The following RARB variants were observed in gnomAD, a reference collection of about 807,000 sequenced individuals.
RARB encodes the protein retinoic acid receptor beta, also known as HBV-activated protein.
RARB carries 17 observed loss-of-function variants against 51.9 expected under a neutral mutation model. The ratio of observed to expected loss-of-function variants is 0.33; its 90% confidence interval spans 0.22 to 0.49. RARB has a LOEUF of 0.49. Ranked by LOEUF, RARB falls within the 20% of genes least tolerant of loss-of-function variation. The pLI is 0.99. For missense variants in RARB, 369 were observed against 550.8 expected (o/e 0.67, Z 3.30); for synonymous variants, 215 against 195.4 (o/e 1.10, Z -0.84).
chr3:25,372,112 A>T (rs553999399), intron 5 of RARB, among the ~76,000 whole-genome samples: 27 of 152,246 alleles, frequency 1.8e-4, no homozygotes, highest in Non-Finnish European at 1.9e-4. Flanking sequence ...GTAGGCCAGG[A>T]TAAAAAGTTT....
At chr3:24,914,263 T>C (rs1695060911) in intron 2 of RARB, among the ~76,000 whole-genome samples, 1 of 152,206 alleles carries the variant, frequency 6.6e-6, no homozygotes, top group African/African-American at 2.4e-5. Context: ...AGTAACATTT[T>C]CCATGTCGTA....
chr3:24,955,292 C>G (rs922123547), intron 2 of RARB, among the ~76,000 whole-genome samples: 25 of 152,206 alleles, frequency 1.6e-4, no homozygotes, highest in African/African-American at 6.0e-4. Flanking sequence ...GTCTCCAACA[C>G]TCAGTTGTTT....
At chr3:25,031,387 G>A (rs1486350928) in intron 2 of RARB, among the ~76,000 whole-genome samples, 2 of 152,122 alleles carry the variant, frequency 1.3e-5, no homozygotes, top group African/African-American at 2.4e-5. Context: ...CCCTCTTCCT[G>A]GCCGGTAAGC....
intron 5 of RARB, among the ~76,000 whole-genome samples, chr3:25,220,615 T>A (rs1202283548): frequency 6.6e-6 from 1 of 152,198 alleles, no homozygotes; most frequent in African/African-American, 2.4e-5. Context: ...TATAAATGTT[T>A]GGTAGTTCCT....
chr3:25,517,030 G>A (rs969075178), intron 3 of RARB, among the ~76,000 whole-genome samples: 2 of 152,190 alleles, frequency 1.3e-5, no homozygotes, highest in Admixed American at 6.5e-5. Flanking sequence ...CCAGTTTGCA[G>A]AGTACGAGCA....
rs1701909051 is a variant in RARB at position 25,597,604 on chromosome 3, A to C, written c.*988A>C. On this transcript the variant is annotated 3_prime_UTR_variant, in exon 8 of 8. Transcript: ENST00000330688. ...GCCTGATATTGGGATTTTTTTTTCC[A>C]GCCTTCTTGATGCCAAGGGGCTAAT... The C allele has an allele frequency of 6.6e-6, 1 of 152,290 alleles. No individual in the cohort carries two copies. 9.4% of individuals were successfully genotyped at this position (152,290 alleles called of 1,614,324 possible). A position where few individuals can be genotyped will look rare whatever the true frequency, so the allele number is the denominator to read the frequency against.
chr3:24,878,359 G>A (rs1703089337), intron 2 of RARB, among the ~76,000 whole-genome samples: 2 of 148,540 alleles, frequency 1.3e-5, no homozygotes. Context: ...TTTCCAAGTT[G>A]TGATTTTTTT....
intron 2 of RARB, among the ~76,000 whole-genome samples, chr3:24,978,127 T>C (rs533524679): frequency 6.6e-6 from 1 of 152,350 alleles, no homozygotes; most frequent in South Asian, 2.1e-4. Flanking sequence ...GATAAACTTT[T>C]TGATGTGCTG....
rs71622787 is a variant in RARB at position 24,912,972 on chromosome 3, A to AT, written c.-380+54222dup. ...GTGGCAATACGCACACAAGGTACTG[A>AT]TTCTTTTTTTTTTTTTTTTTTTTTT... On this transcript the variant is annotated intron_variant, in intron 2 of 11. Coordinates refer to the RARB transcript ENST00000383772. Among the ~76,000 whole-genome samples, 36 of 57,614 alleles carry AT rather than the reference A, an allele frequency of 6.2e-4. 1 individual carries two copies. Among genetic ancestry groups the AT allele is most frequent in the African/African-American group, 6.0e-4 (11 of 18,384 alleles). The allele number at this position is 57,614 out of a possible 152,430, so 37.8% of individuals were successfully genotyped here. A position where few individuals can be genotyped will look rare whatever the true frequency, so the allele number is the denominator to read the frequency against.
chr3:24,935,553 T>A (rs1055542336), intron 2 of RARB, among the ~76,000 whole-genome samples: 2 of 152,192 alleles, frequency 1.3e-5, no homozygotes, highest in African/African-American at 4.8e-5. Flanking sequence ...GTTGTGTTAA[T>A]GTTCTGAAAT....
At chr3:24,949,318 G>A (rs963373069) in intron 2 of RARB, among the ~76,000 whole-genome samples, 2 of 152,130 alleles carry the variant, frequency 1.3e-5, no homozygotes, top group African/African-American at 4.8e-5. Flanking sequence ...ACATCCCAAG[G>A]ACCTCCTCTG....
chr3:25,320,644 G>C (rs999730690), intron 5 of RARB, among the ~76,000 whole-genome samples: 1 of 152,146 alleles, frequency 6.6e-6, no homozygotes, highest in African/African-American at 2.4e-5. Context: ...TAGTACCAAA[G>C]TGATATTTAG....
intron 5 of RARB, among the ~76,000 whole-genome samples, chr3:25,400,768 CA>C (rs1186006928): frequency 3.3e-5 from 5 of 152,056 alleles, no homozygotes; most frequent in Non-Finnish European, 5.9e-5. Flanking sequence ...TTTGCCTTCG[CA>C]AAAACCACAG....
chr3:25,566,438 G>A (rs1700499948), intron 3 of RARB, among the ~76,000 whole-genome samples: 1 of 152,202 alleles, frequency 6.6e-6, no homozygotes, highest in Non-Finnish European at 1.5e-5. Context: ...TCCCCTTCGA[G>A]TGAGCTGCAA....
At chr3:25,080,412 T>A (rs1698970000) in intron 3 of RARB, among the ~76,000 whole-genome samples, 1 of 152,240 alleles carries the variant, frequency 6.6e-6, no homozygotes, top group Non-Finnish European at 1.5e-5. Context: ...AGTACCTGTT[T>A]ATGTCCCTGC....
At chr3:24,981,097 G>C (rs936529908) in intron 2 of RARB, among the ~76,000 whole-genome samples, 1 of 152,182 alleles carries the variant, frequency 6.6e-6, no homozygotes, top group African/African-American at 2.4e-5. Context: ...ACCAGCGGAG[G>C]CTGCAGAACA....
At chr3:25,057,714 A>G (rs1650713758) in intron 2 of RARB, among the ~76,000 whole-genome samples, 1 of 151,982 alleles carries the variant, frequency 6.6e-6, no homozygotes, top group African/African-American at 2.4e-5. Context: ...TTTTTATTTT[A>G]AGAATATGAT....
At chr3:24,990,907 T>C (rs1010662232) in intron 2 of RARB, among the ~76,000 whole-genome samples, 1 of 152,222 alleles carries the variant, frequency 6.6e-6, no homozygotes, top group Non-Finnish European at 1.5e-5. Flanking sequence ...AAGTTTAAAA[T>C]TTTGGCCTAT....
intron 2 of RARB, among the ~76,000 whole-genome samples, chr3:24,987,078 G>T (rs899323749): frequency 2.6e-5 from 4 of 152,084 alleles, no homozygotes; most frequent in African/African-American, 7.2e-5. Flanking sequence ...TTCGCTTTTG[G>T]TGCTATAACT....
Sources: gnomAD v4.1 joint callset for allele counts (sites outside exome capture counted in the v4.1 genomes callset) on GRCh38, gnomAD v4.1.1 for gene constraint, MANE v1.5 for transcripts, NCBI Gene and HGNC (gene_info 2026-07-23, HGNC 2026-07-21) for gene names.